EVL: variants seen among roughly 807,000 people sequenced by gnomAD.
EVL encodes the protein ena/VASP-like protein.
Under a neutral mutation model 59.6 loss-of-function variants are expected in EVL, and 21 were observed. The ratio of observed to expected loss-of-function variants is 0.35; its 90% CI spans 0.25 to 0.51. The LOEUF (loss-of-function observed/expected upper bound fraction) is 0.51. EVL is among the 20% of genes least tolerant of loss of function. The probability of loss-of-function intolerance (pLI) is 0.97; values close to 1 mark genes in which losing one functional copy is unlikely to be tolerated. For missense variants in EVL, 462 were observed against 546.6 expected (o/e 0.85, Z 1.54); for synonymous variants, 198 against 203.5 (o/e 0.97, Z 0.23).
upstream of EVL, among the ~76,000 whole-genome samples, chr14:100,064,753 A>G (rs1198342768): frequency 1.3e-5 from 2 of 152,204 alleles, no homozygotes; most frequent in African/African-American, 4.8e-5. Flanking sequence ...TCTACTAAAA[A>G]TACAAAATTA....
At chr14:99,993,297 A>G (rs913478486) in intron 1 of EVL, among the ~76,000 whole-genome samples, 1 of 151,960 alleles carries the variant, frequency 6.6e-6, no homozygotes, top group African/African-American at 2.4e-5. Context: ...TGACCTCGTG[A>G]TCTGCCCACC....
chr14:100,129,424 C>A, intron 6 of EVL, 139 bp from the exon 7 acceptor site: 1 of 1,218,722 alleles, frequency 8.2e-7, no homozygotes, highest in Non-Finnish European at 1.1e-6. Context: ...AATAATGGAC[C>A]AGATGGCCCC....
Position 100,098,900 on chromosome 14 carries a change from T to C in EVL, c.358+1242T>C, listed in dbSNP as rs554112469. Among the ~76,000 whole-genome samples the C allele has an allele frequency of 3.3e-5, 5 of 152,322 alleles. No individual in the cohort carries two copies. The South Asian group carries it at 1.0e-3, about 32-fold the overall frequency. ...TTAAATGAACTAGAATGTAAAATGT[T>C]TCTCAGGTTGCCTGGCCTAGTAACA... On this transcript the variant is annotated intron_variant, in intron 3 of 13. Transcript: ENST00000392920.
intron 3 of EVL, among the ~76,000 whole-genome samples, chr14:100,101,336 T>G (rs1296168818): frequency 6.6e-6 from 1 of 152,066 alleles, no homozygotes; most frequent in African/African-American, 2.4e-5. Flanking sequence ...AAATATAAAA[T>G]TAGGCATGAT....
intron 1 of EVL, among the ~76,000 whole-genome samples, chr14:100,079,489 G>T (rs2062243945): frequency 6.6e-6 from 1 of 152,160 alleles, no homozygotes; most frequent in Admixed American, 6.5e-5. Flanking sequence ...AGCAGATTCG[G>T]AGAGGCAGGA....
intron 1 of EVL, among the ~76,000 whole-genome samples, chr14:99,987,515 G>A (rs549537288): frequency 3.9e-5 from 6 of 152,278 alleles, no homozygotes; most frequent in Non-Finnish European, 5.9e-5. Flanking sequence ...GGTGGCACAC[G>A]CCTGTAATCC....
intron 1 of EVL, among the ~76,000 whole-genome samples, chr14:100,055,813 CT>C (rs1566988315): frequency 1.3e-5 from 2 of 150,224 alleles, no homozygotes; most frequent in African/African-American, 5.0e-5. Context: ...TTTTCTTTTT[CT>C]TTCTCTTTTT....
upstream of EVL, among the ~76,000 whole-genome samples, chr14:100,062,310 A>G (rs1566991414): frequency 6.6e-6 from 1 of 151,990 alleles, no homozygotes; most frequent in Non-Finnish European, 1.5e-5. Flanking sequence ...AAGGATGGGA[A>G]TGGAGAATGA....
intron 9 of EVL, 45 bp from the exon 10 acceptor site, chr14:100,137,533 G>A (rs1888877543): frequency 1.9e-6 from 3 of 1,603,366 alleles, no homozygotes; most frequent in African/African-American, 2.7e-5. Context: ...TGGCTACTGA[G>A]TCCCTTCACC....
rs777280981 is a variant in EVL at position 99,988,956 on chromosome 14, G to A, written c.5+16899G>A. Reference sequence around the variant, plus strand: ...TTGAGAATGGGGAGTAACTGCTAATGAGTACAAGATTTCTCTTGCAGATAA... The same window carrying A: ...TTGAGAATGGGGAGTAACTGCTAATAAGTACAAGATTTCTCTTGCAGATAA... On this transcript the variant is annotated intron_variant, in intron 1 of 13. Coordinates refer to the EVL transcript ENST00000402714. Among the ~76,000 whole-genome samples, 59 of 152,284 alleles carry A rather than the reference G, an allele frequency of 3.9e-4. 1 individual carries two copies. The Middle Eastern group carries it at 0.01, about 26-fold the overall frequency.
At chr14:99,983,438 A>G (rs1015380310) in intron 1 of EVL, among the ~76,000 whole-genome samples, 1 of 152,186 alleles carries the variant, frequency 6.6e-6, no homozygotes, top group African/African-American at 2.4e-5. Context: ...AAGGAGAGAC[A>G]TGCCATTTTA....
Position 100,137,622 on chromosome 14 carries a change from C to T in EVL, c.1009C>T (p.Pro337Ser), listed in dbSNP as rs750723779. ...PWERSNSVEK[P>S]VSSILSRTPS... ...GGAGCGGAGCAACTCGGTGGAGAAG[C>T]CTGTGTCCTCGATTCTGTCCAGGTG... The change falls in exon 10 of 14, where the codon CCT becomes TCT. Residue 337 changes from proline to serine, a missense_variant. By Grantham distance (74) the Pro-to-Ser change is moderately conservative (BLOSUM62 -1). Coordinates refer to ENST00000392920, the MANE Select transcript of EVL (RefSeq NM_016337.3). 36 of 1,613,974 alleles carry T rather than the reference C, an allele frequency of 2.2e-5. No individual in the cohort carries two copies. The highest frequency in any genetic ancestry group is 3.0e-5 in the Non-Finnish European group (35 of 1,180,038).
intron 1 of EVL, among the ~76,000 whole-genome samples, chr14:99,996,945 C>T (rs369168215): frequency 8.5e-5 from 13 of 152,218 alleles, no homozygotes; most frequent in Admixed American, 2.6e-4. Context: ...CCACTGCGCT[C>T]GGCCTACTGC....
At chr14:100,005,384 G>A (rs2060971797) in intron 1 of EVL, among the ~76,000 whole-genome samples, 1 of 152,048 alleles carries the variant, frequency 6.6e-6, no homozygotes, top group Non-Finnish European at 1.5e-5. Flanking sequence ...AATTATACAA[G>A]CAAAGATCAT....
At chr14:100,053,953 G>T (rs1456645152) in intron 1 of EVL, among the ~76,000 whole-genome samples, 1 of 149,728 alleles carries the variant, frequency 6.7e-6, no homozygotes, top group Non-Finnish European at 1.5e-5. Flanking sequence ...AGCCCCTCTT[G>T]CATAGTTCTT....
At chr14:100,143,570 T>C (rs1321457502) in intron 13 of EVL, 131 bp from the exon 14 acceptor site, 2 of 1,127,480 alleles carry the variant, frequency 1.8e-6, no homozygotes, top group African/African-American at 1.5e-5. Context: ...TGCCAAAGCC[T>C]GGGTGGGGCT....
intron 6 of EVL, among the ~76,000 whole-genome samples, chr14:100,129,086 C>G (rs1888267596): frequency 6.6e-6 from 1 of 152,220 alleles, no homozygotes. Context: ...CCTGGGTCTC[C>G]TGAATCTATG....
chr14:100,087,794 C>T (rs761340008), intron 2 of EVL, among the ~76,000 whole-genome samples: 14 of 152,252 alleles, frequency 9.2e-5, no homozygotes, highest in Non-Finnish European at 1.3e-4. Context: ...CTCTGCTCTG[C>T]GTGGGTCATT....
chr14:100,125,150 A>ACACACC lies in EVL; in HGVS notation c.422+1549_422+1550insACACCC, dbSNP rs1555361572. On this transcript the variant is annotated intron_variant, in intron 4 of 13. Coordinates refer to ENST00000392920, the MANE Select transcript of EVL (RefSeq NM_016337.3). ...CACACACACACACACACACACACACACCTGCCCCAAGGCAGGAATACACAC... is the reference window on the plus strand; with the variant it reads ...CACACACACACACACACACACACACACACACCCCTGCCCCAAGGCAGGAATACACAC... Among the ~76,000 whole-genome samples the ACACACC allele has an allele frequency of 5.7e-3, 733 of 128,344 alleles. 67 individuals carry two copies. Among genetic ancestry groups the ACACACC allele is most frequent in the African/African-American group, 0.024 (678 of 27,704 alleles). 84.2% of individuals were successfully genotyped at this position (128,344 alleles called of 152,430 possible).
Sources: allele counts gnomAD v4.1 joint callset (sites outside exome capture counted in the v4.1 genomes callset), GRCh38; gene constraint gnomAD v4.1.1; transcripts MANE v1.5; gene names NCBI Gene and HGNC (gene_info 2026-07-23, HGNC 2026-07-21).